The following UBE2U variants were observed in gnomAD, a reference collection of about 807,000 sequenced individuals.
The protein encoded by UBE2U is ubiquitin conjugating enzyme E2 U.
A neutral mutation model predicts 41.2 loss-of-function variants in UBE2U; 39 were observed. The ratio of observed to expected loss-of-function variants is 0.95; its 90% CI spans 0.73 to 1.24. The LOEUF (loss-of-function observed/expected upper bound fraction) is 1.24. Ranked by LOEUF, UBE2U falls within the 50% of genes most tolerant of loss-of-function variation. The pLI is 0.00. For missense variants in UBE2U, 336 were observed against 363.1 expected (o/e 0.93, Z 0.61); for synonymous variants, 107 against 117.8 (o/e 0.91, Z 0.60).
Position 64,203,761 on chromosome 1 carries a change from A to G in UBE2U, c.-290A>G, listed in dbSNP as rs377455812. 1.3e-5 allele frequency: 4 copies of G among 316,818 alleles called. No homozygotes were observed. The East Asian group carries it at 2.0e-4, about 16-fold the overall frequency. The allele number at this position is 316,818 out of a possible 1,614,324, so 19.6% of individuals were successfully genotyped here. A position where few individuals can be genotyped will look rare whatever the true frequency, so the allele number is the denominator to read the frequency against. Reference sequence around the variant, plus strand: ...ATGGGCTTGTCTCCGTTACTCATCCAAGTTTGTCTTGAGACTGGGCTGTGA... The same window carrying G: ...ATGGGCTTGTCTCCGTTACTCATCCGAGTTTGTCTTGAGACTGGGCTGTGA... On this transcript the variant is annotated 5_prime_UTR_variant, in exon 1 of 10. Transcript: ENST00000371077.
At chr1:64,258,316 CA>C (rs1391090120) in intron 8 of UBE2U, among the ~76,000 whole-genome samples, 3 of 151,928 alleles carry the variant, frequency 2.0e-5, no homozygotes, top group Non-Finnish European at 4.4e-5. Flanking sequence ...ACTTGTGTGA[CA>C]AAAACGTTTC....
chr1:64,233,009 T>C (rs945713172), intron 7 of UBE2U, among the ~76,000 whole-genome samples: 1 of 151,142 alleles, frequency 6.6e-6, no homozygotes, highest in Non-Finnish European at 1.5e-5. Context: ...TTTTTATTTT[T>C]ACTTTTTTTT....
At chr1:64,228,409 C>G (rs1156810949) in intron 6 of UBE2U, among the ~76,000 whole-genome samples, 1 of 152,088 alleles carries the variant, frequency 6.6e-6, no homozygotes, top group East Asian at 1.9e-4. Context: ...TTACTGGACC[C>G]AAACTTTGAT....
intron 8 of UBE2U, among the ~76,000 whole-genome samples, chr1:64,243,494 A>T (rs1272384593): frequency 6.6e-6 from 1 of 152,168 alleles, no homozygotes; most frequent in African/African-American, 2.4e-5. Flanking sequence ...TATGCACATG[A>T]GTAATTGGTC....
intron 8 of UBE2U, among the ~76,000 whole-genome samples, chr1:64,256,241 A>T (rs758188658): frequency 6.6e-6 from 1 of 152,210 alleles, no homozygotes; most frequent in Non-Finnish European, 1.5e-5. Context: ...ACTACCATTG[A>T]CATTCTTCAC....
intron 5 of UBE2U, among the ~76,000 whole-genome samples, chr1:64,219,906 A>C (rs979801610): frequency 5.3e-5 from 8 of 151,974 alleles, no homozygotes; most frequent in Non-Finnish European, 8.8e-5. Flanking sequence ...CCAATCCTCT[A>C]ATTTTTTAAA....
intron 5 of UBE2U, among the ~76,000 whole-genome samples, chr1:64,219,775 T>C (rs1652303854): frequency 6.6e-6 from 1 of 152,006 alleles, no homozygotes; most frequent in South Asian, 2.1e-4. Context: ...TTTTTGTATT[T>C]TTTTAGTAGA....
At chr1:64,204,672 G>T (rs1258012019) in intron 1 of UBE2U, among the ~76,000 whole-genome samples, 1 of 152,164 alleles carries the variant, frequency 6.6e-6, no homozygotes, top group South Asian at 2.1e-4. Context: ...CACCAATGAG[G>T]TTATCAATGT....
At chr1:64,231,938 T>C (rs913126133) in intron 6 of UBE2U, among the ~76,000 whole-genome samples, 12 of 152,196 alleles carry the variant, frequency 7.9e-5, no homozygotes, top group African/African-American at 2.9e-4. Context: ...GGAAATGCAG[T>C]TATTTAAGGG....
At chr1:64,248,569 G>C (rs866875631) in intron 8 of UBE2U, among the ~76,000 whole-genome samples, 1 of 144,706 alleles carries the variant, frequency 6.9e-6, no homozygotes, top group African/African-American at 2.6e-5. Flanking sequence ...CATTTTACTT[G>C]TTTTTTTTTT....
At chr1:64,239,674 C>T (rs963767708) in intron 7 of UBE2U, among the ~76,000 whole-genome samples, 1 of 151,984 alleles carries the variant, frequency 6.6e-6, no homozygotes, top group Non-Finnish European at 1.5e-5. Flanking sequence ...CAGCTTCATC[C>T]GTGTCCCTAC....
At chr1:64,247,727 A>G (rs2100491310) in intron 8 of UBE2U, among the ~76,000 whole-genome samples, 1 of 152,202 alleles carries the variant, frequency 6.6e-6, no homozygotes, top group South Asian at 2.1e-4. Context: ...AGCCAGGCAT[A>G]ATGGCACATG....
chr1:64,256,381 A>G (rs1645091585), intron 8 of UBE2U, among the ~76,000 whole-genome samples: 1 of 152,228 alleles, frequency 6.6e-6, no homozygotes, highest in African/African-American at 2.4e-5. Context: ...CTGCAAGGTT[A>G]CTGTAACCAA....
intron 4 of UBE2U, 100 bp downstream of exon 4, chr1:64,210,939 A>T: frequency 1.3e-6 from 1 of 756,022 alleles, no homozygotes; most frequent in Non-Finnish European, 1.9e-6. Context: ...TTAAGTGTTT[A>T]AAGAATTTGA....
chr1:64,265,453 T>G (rs1645241490), intron 9 of UBE2U, among the ~76,000 whole-genome samples: 1 of 152,230 alleles, frequency 6.6e-6, no homozygotes, highest in African/African-American at 2.4e-5. Context: ...AGACAGAATT[T>G]AGTTTTAAAT....
intron 5 of UBE2U, among the ~76,000 whole-genome samples, chr1:64,219,478 A>G (rs768567572): frequency 2.0e-5 from 3 of 152,066 alleles, no homozygotes; most frequent in Admixed American, 1.3e-4. Flanking sequence ...AGTTCTGGAA[A>G]ACTTTCTTAT....
At chr1:64,205,853 T>C in intron 2 of UBE2U, 133 bp downstream of exon 2, 2 of 608,422 alleles carry the variant, frequency 3.3e-6, no homozygotes, top group East Asian at 3.0e-5. Context: ...TAAGTTTGCA[T>C]TATACCAGTT....
chr1:64,244,735 C>T (rs1644892552), intron 8 of UBE2U, among the ~76,000 whole-genome samples: 1 of 152,108 alleles, frequency 6.6e-6, no homozygotes, highest in Admixed American at 6.5e-5. Context: ...TCTCTGTTCC[C>T]ATGTCTTTCA....
intron 7 of UBE2U, among the ~76,000 whole-genome samples, chr1:64,237,866 T>C (rs1003769034): frequency 3.3e-5 from 5 of 152,174 alleles, no homozygotes; most frequent in African/African-American, 1.2e-4. Context: ...GAGACAGCCA[T>C]ACATATTCAA....
Sources: allele counts gnomAD v4.1 joint callset (sites outside exome capture counted in the v4.1 genomes callset), GRCh38; gene constraint gnomAD v4.1.1; transcripts MANE v1.5; gene names NCBI Gene and HGNC (gene_info 2026-07-23, HGNC 2026-07-21).